Variants in GFPT2 observed in about 807,000 individuals in gnomAD.
The protein encoded by GFPT2 is glutamine--fructose-6-phosphate aminotransferase [isomerizing] 2.
Under a neutral mutation model 85.6 loss-of-function variants are expected in GFPT2, and 62 were observed. That is an observed-to-expected ratio of 0.72 (90% CI 0.59 to 0.90). The LOEUF (loss-of-function observed/expected upper bound fraction) is 0.90, where lower values mean the gene tolerates loss of function less well. Ranked by LOEUF, GFPT2 falls within the 40% of genes least tolerant of loss-of-function variation. The pLI is 0.00. For synonymous variants in GFPT2, 368 were observed against 344.5 expected (o/e 1.07, Z -0.75); for missense variants, 788 against 893.4 (o/e 0.88, Z 1.50).
At position 180,352,396 on chromosome 5, in the gene GFPT2, G is replaced by A. The variant is rs1304297078; in HGVS notation, c.7+815C>T. The A allele has an allele frequency of 6.6e-6, 3 of 453,772 alleles. No homozygotes were observed. In the Admixed American group the frequency reaches 7.1e-5, roughly 11 times the overall value. 28.1% of individuals were successfully genotyped at this position (453,772 alleles called of 1,614,324 possible). A position where few individuals can be genotyped will look rare whatever the true frequency, so the allele number is the denominator to read the frequency against. The stretch of plus-strand genomic sequence containing the variant: ...CCTTTTGTCCCAGCAGAAGTTCCCG[G>A]CTCTCTCCCGGCCAGCGGAGGCGGC... On this transcript the variant is annotated intron_variant, in intron 1 of 18. Coordinates refer to ENST00000253778, the MANE Select transcript of GFPT2 (RefSeq NM_005110.4).
At position 180,331,492 on chromosome 5, in the gene GFPT2, T is replaced by TA. The variant is rs765494227; in HGVS notation, c.399+2dup. 6.4e-7 allele frequency: 1 copy of TA among 1,550,430 alleles called. No homozygotes were observed. The highest frequency in any genetic ancestry group is 1.1e-5 in the South Asian group (1 of 89,726). Reference sequence around the variant, plus strand: ...GAGACATCACCTAGGGGAAGCATCTTACCAGAAATTTCCTCAGATCTTTGT... The same window carrying TA: ...GAGACATCACCTAGGGGAAGCATCTTAACCAGAAATTTCCTCAGATCTTTGT... On this transcript the variant is annotated splice_region_variant and intron_variant, in intron 5 of 18. Transcript: ENST00000253778.
At chr5:180,302,298 AAAG>A (rs1021285588) in intron 18 of GFPT2, 122 bp downstream of exon 18, 3 of 715,792 alleles carry the variant, frequency 4.2e-6, no homozygotes, top group African/African-American at 3.6e-5. Context: ...AAAAAAAAAA[AAAG>A]AAAGCTACTT....
chr5:180,305,514 T>C (rs1374252670), intron 16 of GFPT2, among the ~76,000 whole-genome samples: 1 of 152,138 alleles, frequency 6.6e-6, no homozygotes, highest in Non-Finnish European at 1.5e-5. Flanking sequence ...ATAAATCATC[T>C]CTCGACTCCC....
intron 2 of GFPT2, among the ~76,000 whole-genome samples, chr5:180,338,003 A>G (rs1257049793): frequency 6.6e-6 from 1 of 152,004 alleles, no homozygotes; most frequent in Non-Finnish European, 1.5e-5. Context: ...GTGGTGGTGC[A>G]CGCCTGTAGT....
In GFPT2 at chr5:180,318,516, C is replaced by G; in HGVS notation, c.958+277G>C. ...TGCCTGAGGGTGGGCATGTGTCCCGCGGAGTCGGTGAAGGAAGGCAGCTGA... is the reference window on the plus strand; with the variant it reads ...TGCCTGAGGGTGGGCATGTGTCCCGGGGAGTCGGTGAAGGAAGGCAGCTGA... On this transcript the variant is annotated intron_variant, in intron 10 of 18. Transcript: ENST00000253778. This position sits in a 1 kb window ranked among gnomAD's most constrained non-coding sequence, Gnocchi z 4.2. 1 of 436,376 alleles carries G rather than the reference C, an allele frequency of 2.3e-6. No individual in the cohort carries two copies. The highest frequency in any genetic ancestry group is 4.2e-6 in the Non-Finnish European group (1 of 236,420). 27.0% of individuals were successfully genotyped at this position (436,376 alleles called of 1,614,324 possible). A position where few individuals can be genotyped will look rare whatever the true frequency, so the allele number is the denominator to read the frequency against.
At chr5:180,341,457 G>A (rs1409194174) in intron 1 of GFPT2, among the ~76,000 whole-genome samples, 2 of 152,194 alleles carry the variant, frequency 1.3e-5, no homozygotes, top group Non-Finnish European at 2.9e-5. Flanking sequence ...CCTAAACAGT[G>A]AGTGGGGTCC....
chr5:180,348,869 G>A (rs1011612908), intron 1 of GFPT2, among the ~76,000 whole-genome samples: 3 of 151,564 alleles, frequency 2.0e-5, no homozygotes, highest in African/African-American at 7.3e-5. Flanking sequence ...TCCTTCCCGA[G>A]TAGCTGGGAC....
intron 7 of GFPT2, among the ~76,000 whole-genome samples, chr5:180,326,376 G>A (rs1470084584): frequency 1.3e-5 from 2 of 152,146 alleles, no homozygotes; most frequent in Non-Finnish European, 2.9e-5. Flanking sequence ...TTTACCTTAG[G>A]TGATTTCTTG....
chr5:180,316,596 CAG>C (rs1159938358), intron 12 of GFPT2, 135 bp from the exon 13 acceptor site: 20 of 1,012,734 alleles, frequency 2.0e-5, no homozygotes, highest in Non-Finnish European at 3.0e-5. Flanking sequence ...CGGTCACCCA[CAG>C]GCCACCTCGA....
chr5:180,353,188 G>C, intron 1 of GFPT2, 23 bp downstream of exon 1: 1 of 1,234,300 alleles, frequency 8.1e-7, no homozygotes, highest in East Asian at 3.2e-5. Flanking sequence ...GGAGGAGGCG[G>C]CTCGGGCGGG....
In GFPT2 at chr5:180,328,436, C is replaced by T. The variant is rs553499771; in HGVS notation, c.535-98G>A. 2.8e-4 allele frequency: 267 copies of T among 937,942 alleles called. 1 individual carries two copies. In the African/African-American group the frequency reaches 3.6e-3, roughly 13 times the overall value. The allele number at this position is 937,942 out of a possible 1,614,324, so 58.1% of individuals were successfully genotyped here. ...CGTCTCCCTGGGCCCCTCCTGATGG[C>T]GGGAGGTCCTGGGGTCCCTCGGGGA... is the stretch of plus-strand genomic sequence containing the variant. On this transcript the variant is annotated intron_variant, in intron 6 of 18. Coordinates refer to ENST00000253778, the MANE Select transcript of GFPT2 (RefSeq NM_005110.4). This position sits in a 1 kb window ranked among gnomAD's most constrained non-coding sequence, Gnocchi z 5.4.
intron 1 of GFPT2, among the ~76,000 whole-genome samples, chr5:180,351,317 G>T (rs886774838): frequency 3.3e-5 from 5 of 152,180 alleles, no homozygotes; most frequent in Non-Finnish European, 5.9e-5. Context: ...TTAAGGACAC[G>T]TTAGCACCAA....
intron 2 of GFPT2, among the ~76,000 whole-genome samples, chr5:180,338,261 T>TG (rs983107242): frequency 1.0e-3 from 159 of 152,280 alleles, no homozygotes; most frequent in African/African-American, 3.7e-3. Context: ...TGCTTCCTGA[T>TG]GGGGGGACTT....
At chr5:180,343,963 T>C (rs777200305) in intron 1 of GFPT2, among the ~76,000 whole-genome samples, 1 of 152,258 alleles carries the variant, frequency 6.6e-6, no homozygotes, top group Non-Finnish European at 1.5e-5. Context: ...GCGGACTTTT[T>C]GCAGAGATGC....
At chr5:180,320,766 C>CA (rs1198780874) in intron 9 of GFPT2, among the ~76,000 whole-genome samples, 2 of 151,698 alleles carry the variant, frequency 1.3e-5, no homozygotes, top group East Asian at 3.9e-4. Flanking sequence ...GACTCCGTCT[C>CA]AAAAAAAACA....
rs1444809525 is a variant in GFPT2 at position 180,331,532 on chromosome 5, C to T, written c.362G>A (p.Gly121Glu). 4.4e-6 allele frequency: 7 copies of T among 1,591,600 alleles called. 1 individual carries two copies. The highest frequency in any genetic ancestry group is 3.3e-5 in the South Asian group (3 of 90,564). Residue 121 changes from glycine to glutamate, a missense_variant, in exon 5 of 19, where the codon GGG becomes GAG. Transcript: ENST00000253778. ...KGNEFVVIHNGIITNYKDLRK... is the reference protein window; with the variant it reads ...KGNEFVVIHNEIITNYKDLRK... ...CAGATCTTTGTAATTTGTGATGATC[C>T]CATTGTGGATGACAACAAATTCTGA... is the stretch of plus-strand genomic sequence containing the variant.
intron 18 of GFPT2, 78 bp downstream of exon 18, chr5:180,302,345 C>A (rs1299560241): frequency 9.6e-7 from 1 of 1,043,776 alleles, no homozygotes; most frequent in Non-Finnish European, 1.4e-6. Flanking sequence ...ACTATTTACT[C>A]CAAGTATTTA....
intron 1 of GFPT2, chr5:180,352,791 G>A: frequency 3.2e-6 from 1 of 310,660 alleles, no homozygotes. Context: ...AGTCGGGATG[G>A]GCGCCCCGCA....
At chr5:180,316,890 C>A in intron 11 of GFPT2, 29 bp from the exon 12 acceptor site, 1 of 1,584,374 alleles carries the variant, frequency 6.3e-7, no homozygotes, top group Non-Finnish European at 8.7e-7. Flanking sequence ...GGCGTTAATG[C>A]TGAGTCTACA....
Sources: gnomAD v4.1 joint callset for allele counts (sites outside exome capture counted in the v4.1 genomes callset) on GRCh38, gnomAD v4.1.1 for gene constraint, Gnocchi (gnomAD v3.1) non-coding constraint, MANE v1.5 for transcripts, NCBI Gene and HGNC (gene_info 2026-07-23, HGNC 2026-07-21) for gene names.